The following CA10 variants were observed in gnomAD, a reference collection of about 807,000 sequenced individuals.
CA10 encodes carbonic anhydrase 10 (inactive), also known as carbonic anhydrase-related protein 10.
A neutral mutation model predicts 44.2 loss-of-function variants in CA10; 14 were observed. That is an observed-to-expected ratio of 0.32 (90% CI 0.21 to 0.50). The LOEUF is 0.50. CA10 is among the 20% of genes least tolerant of loss of function. The pLI is 0.99. For missense variants in CA10, 350 were observed against 409.7 expected (o/e 0.85, Z 1.26); for synonymous variants, 159 against 141.6 (o/e 1.12, Z -0.87).
chr17:51,740,084 A>G (rs1453519560), intron 4 of CA10, among the ~76,000 whole-genome samples: 3 of 151,952 alleles, frequency 2.0e-5, no homozygotes, highest in Non-Finnish European at 4.4e-5. Context: ...GTTTGCCATT[A>G]TGACTATACA....
chr17:51,857,085 CA>C (rs1979081381), intron 3 of CA10, among the ~76,000 whole-genome samples: 1 of 152,156 alleles, frequency 6.6e-6, no homozygotes, highest in South Asian at 2.1e-4. Context: ...TTACATAAAT[CA>C]AGGATTTAAA....
chr17:51,676,142 C>T (rs779676167), intron 4 of CA10, among the ~76,000 whole-genome samples: 2 of 152,192 alleles, frequency 1.3e-5, no homozygotes, highest in Non-Finnish European at 2.9e-5. Context: ...TGGGTATATA[C>T]CTATGACCGG....
chr17:51,918,839 A>T (rs1982110352), intron 3 of CA10, among the ~76,000 whole-genome samples: 1 of 152,226 alleles, frequency 6.6e-6, no homozygotes, highest in Non-Finnish European at 1.5e-5. Flanking sequence ...GAACTAAAAC[A>T]TCTAACTTTT....
At chr17:51,646,952 G>A (rs1016049367) in intron 6 of CA10, among the ~76,000 whole-genome samples, 1 of 152,020 alleles carries the variant, frequency 6.6e-6, no homozygotes, top group Admixed American at 6.6e-5. Context: ...CTGTTATTAG[G>A]GGGCCTAAAT....
intron 3 of CA10, among the ~76,000 whole-genome samples, chr17:51,748,219 G>A (rs933671394): frequency 6.6e-6 from 1 of 152,184 alleles, no homozygotes; most frequent in African/African-American, 2.4e-5. Flanking sequence ...TATTAAGAAG[G>A]CCAAATGAGA....
chr17:51,768,162 T>A (rs970570350), intron 3 of CA10, among the ~76,000 whole-genome samples: 1 of 142,702 alleles, frequency 7.0e-6, no homozygotes, highest in Non-Finnish European at 1.5e-5. Flanking sequence ...CACATAAAGA[T>A]GTGCTTTTTT....
At chr17:51,973,664 A>G (rs1013327194) in intron 2 of CA10, among the ~76,000 whole-genome samples, 1 of 152,220 alleles carries the variant, frequency 6.6e-6, no homozygotes, top group Admixed American at 6.5e-5. Context: ...CGAGCCTTAA[A>G]GTAGTCTTTA....
chr17:51,879,351 A>T (rs761438697), intron 3 of CA10, among the ~76,000 whole-genome samples: 1 of 152,116 alleles, frequency 6.6e-6, no homozygotes, highest in Non-Finnish European at 1.5e-5. Flanking sequence ...AAAATGTCCT[A>T]TTTTAATTAT....
chr17:51,676,412 G>A (rs1914627727), intron 4 of CA10, among the ~76,000 whole-genome samples: 1 of 152,114 alleles, frequency 6.6e-6, no homozygotes, highest in Non-Finnish European at 1.5e-5. Flanking sequence ...TGTCTGCTGT[G>A]AGTGGCACCA....
At chr17:52,055,828 G>A (rs1224667890) in intron 2 of CA10, among the ~76,000 whole-genome samples, 3 of 152,124 alleles carry the variant, frequency 2.0e-5, no homozygotes, top group African/African-American at 4.8e-5. Context: ...GTGTTAGAAA[G>A]ATCCTTCAGG....
intron 1 of CA10, among the ~76,000 whole-genome samples, chr17:52,147,493 A>T (rs1989614198): frequency 6.9e-6 from 1 of 145,558 alleles, no homozygotes; most frequent in Non-Finnish European, 1.5e-5. Context: ...AGCAGATTTA[A>T]AAAAAAAAAA....
intron 2 of CA10, among the ~76,000 whole-genome samples, chr17:52,023,674 T>C (rs1234264348): frequency 7.2e-6 from 1 of 138,912 alleles, no homozygotes; most frequent in Non-Finnish European, 1.5e-5. Flanking sequence ...GTCAACAAAG[T>C]AAACAGACAG....
Position 51,774,226 on chromosome 17 carries a change from C to T in CA10, c.280-26408G>A, listed in dbSNP as rs556556200. Among the ~76,000 whole-genome samples the T allele has an allele frequency of 5.3e-5, 8 of 152,292 alleles. No homozygotes were observed. In the East Asian group the frequency reaches 1.5e-3, roughly 29 times the overall value. ...AAGTTACTTTTTCAAAAGAGTTCAA[C>T]CCATGAAGCTGTCAGGCTGTCAGAA... is the stretch of plus-strand genomic sequence containing the variant. On this transcript the variant is annotated intron_variant, in intron 3 of 8. Coordinates refer to ENST00000451037, the MANE Select transcript of CA10 (RefSeq NM_020178.5).
At chr17:52,123,407 T>G (rs1989055108) in intron 1 of CA10, among the ~76,000 whole-genome samples, 1 of 145,772 alleles carries the variant, frequency 6.9e-6, no homozygotes. Context: ...ACGTTTTCAT[T>G]TAAAAGTTGA....
intron 3 of CA10, among the ~76,000 whole-genome samples, chr17:51,852,068 T>C (rs1195724015): frequency 6.6e-6 from 1 of 152,278 alleles, no homozygotes; most frequent in East Asian, 1.9e-4. Flanking sequence ...TACAATTAAG[T>C]AGAAGAAATA....
chr17:52,077,046 A>G (rs1987835968), intron 1 of CA10, among the ~76,000 whole-genome samples: 1 of 152,202 alleles, frequency 6.6e-6, no homozygotes, highest in Non-Finnish European at 1.5e-5. Context: ...GCAAGGAAAA[A>G]TCTATTTCAG....
At chr17:51,943,798 G>A (rs985397562) in intron 2 of CA10, among the ~76,000 whole-genome samples, 6 of 152,102 alleles carry the variant, frequency 3.9e-5, no homozygotes, top group Admixed American at 3.9e-4. Flanking sequence ...AACATTTATT[G>A]GAAGAAAGCA....
chr17:51,876,438 C>G (rs1404122405), intron 3 of CA10, among the ~76,000 whole-genome samples: 1 of 151,386 alleles, frequency 6.6e-6, no homozygotes, highest in Non-Finnish European at 1.5e-5. Context: ...CTGCCTTGGC[C>G]TCTCAGAGTG....
At chr17:51,929,744 A>G (rs1447312673) in intron 3 of CA10, among the ~76,000 whole-genome samples, 1 of 152,156 alleles carries the variant, frequency 6.6e-6, no homozygotes, top group Non-Finnish European at 1.5e-5. Context: ...AAGCCATGAC[A>G]AGCTCCTTGC....
Sources: allele counts gnomAD v4.1 joint callset (sites outside exome capture counted in the v4.1 genomes callset), GRCh38; gene constraint gnomAD v4.1.1; transcripts MANE v1.5; gene names NCBI Gene and HGNC (gene_info 2026-07-23, HGNC 2026-07-21).